GPR143: variants seen among roughly 807,000 people sequenced by gnomAD.
GPR143 encodes G protein-coupled receptor 143, also known as G-protein coupled receptor 143.
GPR143 carries 8 observed loss-of-function variants against 27.6 expected under a neutral mutation model. The ratio of observed to expected loss-of-function variants is 0.29; its 90% CI spans 0.17 to 0.52. GPR143 has a LOEUF of 0.52. GPR143 is among the 20% of genes least tolerant of loss of function. GPR143 has a pLI of 0.96. For missense variants in GPR143, 303 were observed against 343.1 expected (o/e 0.88, Z 0.92); for synonymous variants, 156 against 153.2 (o/e 1.02, Z -0.13).
chrX:9,731,214 G>A (rs2083351363), intron 8 of GPR143, among the ~76,000 whole-genome samples: 1 of 111,835 alleles, frequency 8.9e-6, no homozygotes, highest in Non-Finnish European at 1.9e-5. Flanking sequence ...AGCCAAAATG[G>A]GGAAACCACA....
intron 3 of GPR143, among the ~76,000 whole-genome samples, chrX:9,749,152 G>C (rs769575715): frequency 3.0e-3 from 333 of 111,527 alleles, no homozygotes; most frequent in Non-Finnish European, 5.3e-3. Flanking sequence ...TCATGGGGGC[G>C]GTTTCCCCCA....
chrX:9,768,269 GTAATCTCAGCACTTAA>G (rs2083542185), upstream of GPR143, among the ~76,000 whole-genome samples: 1 of 112,073 alleles, frequency 8.9e-6, no homozygotes, highest in African/African-American at 3.2e-5. Flanking sequence ...GCTCACACCT[GTAATCTCAGCACTTAA>G]GGAGGCTGAG....
chrX:9,745,077 C>A (rs1381634836), intron 5 of GPR143, among the ~76,000 whole-genome samples: 1 of 111,695 alleles, frequency 9.0e-6, no homozygotes, highest in Non-Finnish European at 1.9e-5. Flanking sequence ...CATAGTGAAA[C>A]CCCGTCTCTA....
chrX:9,739,831 C>T, intron 7 of GPR143, 112 bp from the exon 8 acceptor site: 1 of 559,844 alleles, frequency 1.8e-6, no homozygotes, highest in East Asian at 3.6e-5. Context: ...GGGCTGGACT[C>T]GCTTGGAAGG....
chrX:9,754,648 T>C (rs1005581580), intron 3 of GPR143, among the ~76,000 whole-genome samples: 2 of 110,457 alleles, frequency 1.8e-5, no homozygotes, highest in Non-Finnish European at 3.8e-5. Flanking sequence ...CCAAATGAAC[T>C]CCCAAATACT....
At chrX:9,774,837 A>C (rs1000307547) in intron 1 of GPR143, among the ~76,000 whole-genome samples, 1 of 105,047 alleles carries the variant, frequency 9.5e-6, no homozygotes, top group Non-Finnish European at 2.0e-5. Context: ...AATATTCCAC[A>C]TAAGGATTTT....
At chrX:9,764,774 C>T (rs772595824) in intron 1 of GPR143, among the ~76,000 whole-genome samples, 24 of 111,715 alleles carry the variant, frequency 2.1e-4, no homozygotes, top group African/African-American at 7.8e-4. Context: ...CGCCTGTAAT[C>T]CCAGCACTTT....
intron 8 of GPR143, among the ~76,000 whole-genome samples, chrX:9,727,315 C>A (rs2083332376): frequency 8.8e-6 from 1 of 113,542 alleles, no homozygotes; most frequent in Non-Finnish European, 1.9e-5. Context: ...GGGGACCACC[C>A]CTGTGTCCCC....
upstream of GPR143, among the ~76,000 whole-genome samples, chrX:9,766,745 A>C (rs2083535111): frequency 9.2e-6 from 1 of 109,245 alleles, no homozygotes; most frequent in Admixed American, 9.8e-5. Flanking sequence ...AACAAAACAA[A>C]AATTAGCTGG....
intron 6 of GPR143, 74 bp from the exon 7 acceptor site, chrX:9,741,529 G>GT (rs1385992879): frequency 3.6e-6 from 2 of 558,148 alleles, no homozygotes; most frequent in Non-Finnish European, 6.5e-6. Flanking sequence ...GAGAGTCAGA[G>GT]AAGAATTTCT....
intron 6 of GPR143, among the ~76,000 whole-genome samples, chrX:9,742,592 T>G (rs1426123486): frequency 2.7e-5 from 3 of 112,332 alleles, no homozygotes; most frequent in Non-Finnish European, 5.6e-5. Flanking sequence ...TTCACCACAG[T>G]GCAGCATGTT....
At chrX:9,756,759 G>T (rs2083475608) in intron 3 of GPR143, among the ~76,000 whole-genome samples, 1 of 112,312 alleles carries the variant, frequency 8.9e-6, no homozygotes, top group Non-Finnish European at 1.9e-5. Context: ...TGGATAAACT[G>T]CAACCCTCAC....
chrX:9,769,102 G>A (rs745852355), upstream of GPR143, among the ~76,000 whole-genome samples: 265 of 112,075 alleles, frequency 2.4e-3, 1 homozygote, highest in African/African-American at 8.1e-3. Context: ...CAGGGATGGC[G>A]GTGCTGAATA....
Position 9,744,741 on chromosome X carries a change from G to GA in GPR143, c.659-1069dup, listed in dbSNP as rs762994681. ...AATAGTGCACGCTTGTTAAAATATT[G>GA]AAAAAAATTTAATTTCTTCTTATAG... is the stretch of plus-strand genomic sequence containing the variant. On this transcript the variant is annotated intron_variant, in intron 5 of 8. Coordinates refer to ENST00000467482, the MANE Select transcript of GPR143 (RefSeq NM_000273.3). Among the ~76,000 whole-genome samples the GA allele has an allele frequency of 2.4e-4, 27 of 111,800 alleles. No individual in the cohort carries two copies. The East Asian group carries it at 7.0e-3, about 29-fold the overall frequency.
At chrX:9,764,578 T>C (rs940367235) in intron 1 of GPR143, among the ~76,000 whole-genome samples, 3 of 110,582 alleles carry the variant, frequency 2.7e-5, no homozygotes, top group African/African-American at 9.9e-5. Context: ...TGTTAGTCTC[T>C]CCCTGGTGCA....
At chrX:9,778,001 G>C (rs766237165) in intron 1 of GPR143, among the ~76,000 whole-genome samples, 1 of 110,831 alleles carries the variant, frequency 9.0e-6, no homozygotes, top group African/African-American at 3.3e-5. Flanking sequence ...TGAGGCAGGA[G>C]AATGGCATGA....
intron 1 of GPR143, among the ~76,000 whole-genome samples, chrX:9,764,277 G>A (rs1306153750): frequency 9.0e-6 from 1 of 111,321 alleles, no homozygotes; most frequent in African/African-American, 3.3e-5. Flanking sequence ...GCAAGAGGGT[G>A]AGACCCTGTC....
rs1319447555 is a variant in GPR143, at chrX:9,765,667, C to T, written c.151G>A (p.Gly51Ser). 1.0e-6 allele frequency: 1 copy of T among 1,001,917 alleles called. No individual in the cohort carries two copies. Among genetic ancestry groups the T allele is most frequent in the Non-Finnish European group, 1.3e-6 (1 of 795,853 alleles). The allele number at this position is 1,001,917 out of a possible 1,213,427, so 82.6% of individuals were successfully genotyped here. A position where few individuals can be genotyped will look rare whatever the true frequency, so the allele number is the denominator to read the frequency against. ...LALGLLQLLP[G>S]RRPAGPGSPA... is the part of the protein sequence containing the mutation. ...GACCCGGGGCCCGCGGGCCGGCGGCCGGGCAGCAGCTGCAGAAGGCCCAGC... is the reference window on the plus strand; with the variant it reads ...GACCCGGGGCCCGCGGGCCGGCGGCTGGGCAGCAGCTGCAGAAGGCCCAGC... The change falls in exon 1 of 9, where the codon GGC becomes AGC. Residue 51 changes from glycine to serine, a missense_variant. By Grantham distance (56) the Gly-to-Ser change is moderately conservative. Transcript: ENST00000467482.
chrX:9,766,903 TCACACACACA>T (rs58553907), upstream of GPR143, among the ~76,000 whole-genome samples: 364 of 86,820 alleles, frequency 4.2e-3, 2 homozygotes, highest in African/African-American at 9.5e-3. Context: ...TCTCTCTCTC[TCACACACACA>T]CACACACACA....
Sources: gnomAD v4.1 joint callset for allele counts (sites outside exome capture counted in the v4.1 genomes callset) on GRCh38, gnomAD v4.1.1 for gene constraint, MANE v1.5 for transcripts, NCBI Gene and HGNC (gene_info 2026-07-23, HGNC 2026-07-21) for gene names.